Variants in COL24A1 observed in about 807,000 individuals in gnomAD.
The protein encoded by COL24A1 is collagen type XXIV alpha 1 chain.
Under a neutral mutation model 253.9 loss-of-function variants are expected in COL24A1, and 224 were observed. The ratio of observed to expected loss-of-function variants is 0.88; its 90% confidence interval spans 0.79 to 0.99. COL24A1 has a LOEUF of 0.99. COL24A1 is among the 50% of genes least tolerant of loss of function. The pLI is 0.00. For synonymous variants in COL24A1, 685 were observed against 673.7 expected (o/e 1.02, Z -0.26); for missense variants, 2,131 against 2,068.5 (o/e 1.03, Z -0.59).
intron 20 of COL24A1, among the ~76,000 whole-genome samples, chr1:85,979,444 T>G (rs1392776459): frequency 6.6e-6 from 1 of 151,816 alleles, no homozygotes; most frequent in Non-Finnish European, 1.5e-5. Flanking sequence ...ATTACTGAGA[T>G]TAACAAAGAA....
At chr1:85,945,000 G>GCTTTTTTTTTT (rs1689125102) in intron 24 of COL24A1, among the ~76,000 whole-genome samples, 1 of 36,124 alleles carries the variant, frequency 2.8e-5, no homozygotes, top group Non-Finnish European at 5.1e-5. Context: ...GTCTATCATT[G>GCTTTTTTTTTT]TGTTTTTTTT....
intron 24 of COL24A1, among the ~76,000 whole-genome samples, chr1:85,959,185 A>T (rs549412608): frequency 2.0e-5 from 3 of 152,272 alleles, no homozygotes; most frequent in Admixed American, 2.0e-4. Flanking sequence ...AAGATTTTGA[A>T]ATTAGAAAGA....
At chr1:86,110,793 G>C (rs984894195) in intron 5 of COL24A1, among the ~76,000 whole-genome samples, 66 of 152,244 alleles carry the variant, frequency 4.3e-4, no homozygotes, top group Non-Finnish European at 7.1e-4. Flanking sequence ...GCAGGGCTCC[G>C]GACCTGCAGC....
chr1:86,112,404 T>C (rs1161086334), intron 5 of COL24A1, among the ~76,000 whole-genome samples, 163 bp downstream of exon 5: 3 of 152,176 alleles, frequency 2.0e-5, no homozygotes, highest in Admixed American at 1.3e-4. Context: ...GGAACCTAGC[T>C]CTCTGCCAGG....
chr1:85,763,384 C>T (rs1399284443), intron 53 of COL24A1, among the ~76,000 whole-genome samples: 1 of 151,898 alleles, frequency 6.6e-6, no homozygotes, highest in African/African-American at 2.4e-5. Flanking sequence ...CGCCACTGCA[C>T]TCCAGCCTGG....
chr1:85,966,041 A>G (rs1691540670), intron 22 of COL24A1, among the ~76,000 whole-genome samples: 1 of 152,146 alleles, frequency 6.6e-6, no homozygotes, highest in African/African-American at 2.4e-5. Context: ...GGGTAGAAGA[A>G]GAGAGTCCAA....
intron 24 of COL24A1, among the ~76,000 whole-genome samples, chr1:85,944,426 C>T (rs1689044523): frequency 6.6e-6 from 1 of 151,942 alleles, no homozygotes; most frequent in Admixed American, 6.6e-5. Flanking sequence ...TTTTATGTTT[C>T]TCAAATACAG....
At chr1:85,879,245 G>GT (rs1681542841) in intron 32 of COL24A1, among the ~76,000 whole-genome samples, 1 of 114,632 alleles carries the variant, frequency 8.7e-6, no homozygotes, top group Non-Finnish European at 1.8e-5. Flanking sequence ...TTCATTTTGA[G>GT]GGTGTGTGTG....
intron 19 of COL24A1, among the ~76,000 whole-genome samples, chr1:86,006,151 T>C (rs1695935306): frequency 6.6e-6 from 1 of 152,156 alleles, no homozygotes; most frequent in Non-Finnish European, 1.5e-5. Flanking sequence ...TTGTGGATAC[T>C]GACAAACAGA....
At chr1:85,831,906 G>T (rs1384670529) in intron 43 of COL24A1, among the ~76,000 whole-genome samples, 1 of 152,028 alleles carries the variant, frequency 6.6e-6, no homozygotes, top group African/African-American at 2.4e-5. Flanking sequence ...AGTTTCTTTT[G>T]CTGTGCAGAA....
At chr1:85,959,349 T>G (rs531234606) in intron 24 of COL24A1, among the ~76,000 whole-genome samples, 1 of 152,236 alleles carries the variant, frequency 6.6e-6, no homozygotes, top group East Asian at 1.9e-4. Flanking sequence ...GTTGGAAAGG[T>G]CTTTTTGTCT....
rs1301399227 is a variant in COL24A1, at chr1:86,156,352, G to T, written c.45C>A (p.Pro15=). ...AHRTRRGKVS[P]TAKTKSLLHF... ...GGTGGGCTACTTACGTTTTTGCCGT[G>T]GGGGAGACTTTTCCACGCCTTGTTC... is the stretch of plus-strand genomic sequence containing the variant. Residue 15 remains proline (P), a synonymous_variant, in exon 1 of 60, where the codon CCC becomes CCA. Transcript: ENST00000370571. 1 of 1,612,670 alleles carries T rather than the reference G, an allele frequency of 6.2e-7. No individual in the cohort carries two copies. Among genetic ancestry groups the T allele is most frequent in the Admixed American group, 1.7e-5 (1 of 59,808 alleles).
At chr1:86,120,539 A>G (rs960082487) in intron 3 of COL24A1, among the ~76,000 whole-genome samples, 2 of 152,250 alleles carry the variant, frequency 1.3e-5, no homozygotes, top group Non-Finnish European at 2.9e-5. Context: ...ACACATGACA[A>G]AATGCTCATC....
At chr1:86,106,641 A>G (rs1036127298) in intron 5 of COL24A1, among the ~76,000 whole-genome samples, 1 of 152,206 alleles carries the variant, frequency 6.6e-6, no homozygotes, top group Non-Finnish European at 1.5e-5. Context: ...CGCGCTGCAA[A>G]TAAATAGAAT....
chr1:85,919,241 A>G (rs1236421201), intron 24 of COL24A1, among the ~76,000 whole-genome samples: 1 of 152,222 alleles, frequency 6.6e-6, no homozygotes. Flanking sequence ...TTCTTTCTGC[A>G]GCATAATTTA....
intron 19 of COL24A1, among the ~76,000 whole-genome samples, chr1:85,990,722 G>T (rs1694173782): frequency 6.6e-6 from 1 of 152,120 alleles, no homozygotes; most frequent in Admixed American, 6.6e-5. Context: ...GGCCAGATAT[G>T]GGACAATATG....
rs147582349 is a variant in COL24A1, at chr1:86,129,473, C to T, written c.122-3259G>A. Among the ~76,000 whole-genome samples, 1,369 of 151,142 alleles carry T rather than the reference C, an allele frequency of 9.1e-3. 24 individuals are homozygous for T. Among genetic ancestry groups the T allele is most frequent in the East Asian group, 0.074 (382 of 5,138 alleles). Reference sequence around the variant, plus strand: ...CATTTTTTTTTGTTTTACTCTTTTGCTAATCTCTGAAGATGAATAATTAGT... The same window carrying T: ...CATTTTTTTTTGTTTTACTCTTTTGTTAATCTCTGAAGATGAATAATTAGT... On this transcript the variant is annotated intron_variant, in intron 2 of 59. Coordinates refer to ENST00000370571, the MANE Select transcript of COL24A1 (RefSeq NM_152890.7).
intron 24 of COL24A1, among the ~76,000 whole-genome samples, chr1:85,913,656 C>T (rs1685588518): frequency 6.6e-6 from 1 of 152,170 alleles, no homozygotes; most frequent in Non-Finnish European, 1.5e-5. Context: ...GGCTATGTTG[C>T]TTAATTCTGC....
At chr1:85,913,332 A>G (rs1228901339) in intron 24 of COL24A1, among the ~76,000 whole-genome samples, 1 of 152,190 alleles carries the variant, frequency 6.6e-6, no homozygotes, top group East Asian at 1.9e-4. Flanking sequence ...AAGACTTTCC[A>G]GAAGGCTATA....
Sources: allele counts gnomAD v4.1 joint callset (sites outside exome capture counted in the v4.1 genomes callset), GRCh38; gene constraint gnomAD v4.1.1; transcripts MANE v1.5; gene names NCBI Gene and HGNC (gene_info 2026-07-23, HGNC 2026-07-21).